Variants in TBC1D22A observed in about 807,000 individuals in gnomAD.
TBC1D22A encodes the protein TBC1 domain family member 22A.
A neutral mutation model predicts 60.2 loss-of-function variants in TBC1D22A; 38 were observed. That is an observed-to-expected ratio of 0.63 (90% CI 0.49 to 0.83). The LOEUF (loss-of-function observed/expected upper bound fraction) is 0.83. Among genes scored for constraint, TBC1D22A ranks in the 40% least tolerant of loss-of-function variants. The probability of loss-of-function intolerance (pLI) is 0.00; values close to 1 mark genes in which losing one functional copy is unlikely to be tolerated. For missense variants in TBC1D22A, 628 were observed against 701.0 expected (o/e 0.90, Z 1.18); for synonymous variants, 302 against 281.7 (o/e 1.07, Z -0.72).
chr22:47,048,087 G>T (rs984721764), intron 11 of TBC1D22A, among the ~76,000 whole-genome samples: 1 of 152,178 alleles, frequency 6.6e-6, no homozygotes, highest in South Asian at 2.1e-4. Context: ...AGTCTGCCCC[G>T]GGCTGCCCCA....
Position 46,990,547 on chromosome 22 carries a change from G to C in TBC1D22A, c.1126-7087G>C, listed in dbSNP as rs574894758. Among the ~76,000 whole-genome samples the C allele has an allele frequency of 6.6e-6, 1 of 152,262 alleles. No homozygotes were observed. Among genetic ancestry groups the C allele is most frequent in the Admixed American group, 6.5e-5 (1 of 15,304 alleles). On this transcript the variant is annotated intron_variant, in intron 9 of 12. Coordinates refer to ENST00000337137, the MANE Select transcript of TBC1D22A (RefSeq NM_014346.5). This position sits in a 1 kb window ranked among gnomAD's most constrained non-coding sequence, Gnocchi z 4.6. ...CAACTAAAGTCCACAGTTTACACCAGTTGTAGGCCGTGGGTTTTGAAAGGT... is the reference window on the plus strand; with the variant it reads ...CAACTAAAGTCCACAGTTTACACCACTTGTAGGCCGTGGGTTTTGAAAGGT...
chr22:47,116,478 G>A (rs1200793071), intron 12 of TBC1D22A: 3 of 152,410 alleles, frequency 2.0e-5, no homozygotes, highest in Non-Finnish European at 2.9e-5. Context: ...GGACAGCCTC[G>A]TTGGGAGAAG....
At chr22:47,155,702 G>C (rs538836131) in intron 12 of TBC1D22A, among the ~76,000 whole-genome samples, 4 of 151,956 alleles carry the variant, frequency 2.6e-5, no homozygotes, top group Admixed American at 6.6e-5. Flanking sequence ...GTTCTCCCAC[G>C]GTCTCCTGTG....
chr22:47,111,448 G>T (rs1352774808), intron 11 of TBC1D22A, 60 bp from the exon 12 acceptor site: 10 of 1,472,774 alleles, frequency 6.8e-6, no homozygotes, highest in Middle Eastern at 1.7e-4. Flanking sequence ...AGATAACCTC[G>T]CAGTGATGTT....
At chr22:47,170,809 A>G (rs1318321239) in intron 12 of TBC1D22A, among the ~76,000 whole-genome samples, 2 of 101,176 alleles carry the variant, frequency 2.0e-5, no homozygotes, top group African/African-American at 4.2e-5. Context: ...CTGATGCAGG[A>G]CCGGAGAGAG....
chr22:46,878,664 A>C lies in TBC1D22A; in HGVS notation c.649A>C (p.Arg217=), dbSNP rs2067692307. Residue 217 remains arginine, a synonymous_variant, in exon 5 of 13, where the codon AGG becomes CGG. Coordinates refer to ENST00000337137, the MANE Select transcript of TBC1D22A (RefSeq NM_014346.5). ...GPNTDLEELR[R]LSWSGIPKPV... ...TTTTTCATCAACAGAGGAATTACGG[A>C]GGTTGAGCTGGTCCGGAATCCCTAA... 1 of 1,613,074 alleles carries C rather than the reference A, an allele frequency of 6.2e-7. No homozygotes were observed. The highest frequency in any genetic ancestry group is 1.1e-5 in the South Asian group (1 of 91,080).
chr22:47,053,112 C>G (rs2063281298), intron 11 of TBC1D22A, among the ~76,000 whole-genome samples: 1 of 151,926 alleles, frequency 6.6e-6, no homozygotes, highest in South Asian at 2.1e-4. Flanking sequence ...AGCCCAGGGC[C>G]TCACTGCTTC....
chr22:46,876,906 G>C (rs540147061), intron 4 of TBC1D22A, among the ~76,000 whole-genome samples: 3 of 152,302 alleles, frequency 2.0e-5, no homozygotes, highest in African/African-American at 7.2e-5. Context: ...CTTCCCTGTC[G>C]ACCCCATTCA....
chr22:47,105,038 G>A (rs2065581141), intron 11 of TBC1D22A, among the ~76,000 whole-genome samples: 1 of 152,112 alleles, frequency 6.6e-6, no homozygotes, highest in South Asian at 2.1e-4. Flanking sequence ...ACCCCCTTGG[G>A]CACATGCTCT....
chr22:46,874,232 C>T lies in TBC1D22A; in HGVS notation c.638-4421C>T, dbSNP rs562536025. On this transcript the variant is annotated intron_variant, in intron 4 of 12. Coordinates refer to ENST00000337137, the MANE Select transcript of TBC1D22A (RefSeq NM_014346.5). ...CATGTCTTTGCTATAGTGAATAGTG[C>T]TGCAGTGAACATAGGTGCGCATGTG... Among the ~76,000 whole-genome samples the T allele has an allele frequency of 4.6e-5, 7 of 152,238 alleles. No individual in the cohort carries two copies. The South Asian group carries it at 1.4e-3, about 32-fold the overall frequency.
intron 6 of TBC1D22A, among the ~76,000 whole-genome samples, chr22:46,892,170 G>A (rs1244297800): frequency 6.6e-6 from 1 of 152,058 alleles, no homozygotes; most frequent in African/African-American, 2.4e-5. Flanking sequence ...ACCAGCTTCT[G>A]GGTTTCCTGA....
At chr22:47,152,115 G>T (rs752857892) in intron 12 of TBC1D22A, among the ~76,000 whole-genome samples, 2 of 152,206 alleles carry the variant, frequency 1.3e-5, no homozygotes, top group East Asian at 3.9e-4. Context: ...AGGGCTCCAC[G>T]GTTCTCTTTT....
Position 46,844,138 on chromosome 22 carries a change from G to A in TBC1D22A, c.638-34515G>A, listed in dbSNP as rs186405448. ...GGGTAAGGCATGCTAGATGCTGGGC[G>A]TGGGCACTCTGGTCCAAGCACATTC... On this transcript the variant is annotated intron_variant, in intron 4 of 12. Transcript: ENST00000337137. Among the ~76,000 whole-genome samples, 73 of 150,636 alleles carry A rather than the reference G, an allele frequency of 4.8e-4. 1 individual carries two copies. Among genetic ancestry groups the A allele is most frequent in the African/African-American group, 1.7e-3 (71 of 40,866 alleles).
At chr22:46,976,818 G>A (rs981136057) in intron 9 of TBC1D22A, among the ~76,000 whole-genome samples, 1 of 152,120 alleles carries the variant, frequency 6.6e-6, no homozygotes, top group South Asian at 2.1e-4. Context: ...TTTGTTCATC[G>A]GCTCTGTGGC....
intron 11 of TBC1D22A, among the ~76,000 whole-genome samples, chr22:47,053,929 G>A (rs886224392): frequency 2.0e-5 from 3 of 152,240 alleles, no homozygotes; most frequent in Non-Finnish European, 4.4e-5. Context: ...TCCAGAAGTG[G>A]TAGCTGTTAC....
intron 8 of TBC1D22A, among the ~76,000 whole-genome samples, chr22:46,942,581 C>T (rs2072239032): frequency 6.6e-6 from 1 of 152,152 alleles, no homozygotes; most frequent in East Asian, 1.9e-4. Context: ...AAAGTGCCTG[C>T]GAATCCCTTC....
At chr22:46,793,371 T>C in intron 2 of TBC1D22A, 130 bp from the exon 3 acceptor site, 2 of 894,378 alleles carry the variant, frequency 2.2e-6, no homozygotes, top group Non-Finnish European at 3.4e-6. Flanking sequence ...TGTGTTTGCT[T>C]TTTCACTCAC....
At chr22:47,136,003 T>C (rs560005136) in intron 12 of TBC1D22A, among the ~76,000 whole-genome samples, 1 of 152,272 alleles carries the variant, frequency 6.6e-6, no homozygotes, top group South Asian at 2.1e-4. Flanking sequence ...GCAGTGCTAG[T>C]TGCTCGGGTA....
chr22:46,920,990 C>T (rs1266969623), intron 8 of TBC1D22A, among the ~76,000 whole-genome samples: 1 of 151,950 alleles, frequency 6.6e-6, no homozygotes, highest in South Asian at 2.1e-4. Flanking sequence ...AGGCTGGTCT[C>T]GAACTCCTGA....
Sources: gnomAD v4.1 joint callset for allele counts (sites outside exome capture counted in the v4.1 genomes callset) on GRCh38, gnomAD v4.1.1 for gene constraint, Gnocchi (gnomAD v3.1) non-coding constraint, MANE v1.5 for transcripts, NCBI Gene and HGNC (gene_info 2026-07-23, HGNC 2026-07-21) for gene names.